Variants in GNL3L observed in about 807,000 individuals in gnomAD.
The protein encoded by GNL3L is G protein nucleolar 3 like, also known as guanine nucleotide-binding protein-like 3-like protein.
Under a neutral mutation model 42.9 loss-of-function variants are expected in GNL3L, and 4 were observed. The observed-to-expected ratio is 0.09, with a 90% CI of 0.05 to 0.21. GNL3L has a LOEUF of 0.21. Ranked by LOEUF, GNL3L falls within the 10% of genes least tolerant of loss-of-function variation. The pLI, the probability that GNL3L is intolerant of heterozygous loss-of-function variation, is 1.00. For synonymous variants in GNL3L, 159 were observed against 176.3 expected (o/e 0.90, Z 0.78); for missense variants, 412 against 481.7 (o/e 0.86, Z 1.36).
intron 7 of GNL3L, 55 bp from the exon 8 acceptor site, chrX:54,544,168 A>C: frequency 3.2e-6 from 2 of 631,185 alleles, no homozygotes; most frequent in Non-Finnish European, 5.3e-6. Flanking sequence ...TTTGGAGGGA[A>C]CCATGGAGGT....
intron 16 of GNL3L, among the ~76,000 whole-genome samples, chrX:54,595,291 T>C (rs1410231786): frequency 9.0e-6 from 1 of 111,434 alleles, no homozygotes; most frequent in Non-Finnish European, 1.9e-5. Context: ...TTTTTTCCGC[T>C]GGATATGCTA....
downstream of GNL3L, among the ~76,000 whole-genome samples, chrX:54,571,498 C>CTTTTTTTTTT (rs1161595672): frequency 1.2e-5 from 1 of 86,521 alleles, no homozygotes; most frequent in Non-Finnish European, 2.3e-5. Context: ...TGCGCCCGGC[C>CTTTTTTTTTT]TTTTTTTTTT....
chrX:54,532,093 G>T (rs1046346384), intron 1 of GNL3L, among the ~76,000 whole-genome samples: 1 of 110,745 alleles, frequency 9.0e-6, no homozygotes, highest in Non-Finnish European at 1.9e-5. Context: ...CCCTACTTGG[G>T]AAAAGAGGCA....
chrX:54,627,153 T>G, the GNL3L span, among the ~76,000 whole-genome samples: 8 of 110,460 alleles, frequency 7.2e-5, no homozygotes, highest in Non-Finnish European at 1.5e-4. Context: ...GGACTACAGA[T>G]GTGCGCCACG....
rs749230791 is a variant in GNL3L, at chrX:54,560,651, C to T, written c.*49C>T. 15 of 717,541 alleles carry T rather than the reference C, an allele frequency of 2.1e-5. No homozygotes were observed. The highest frequency in any genetic ancestry group is 6.8e-5 in the Admixed American group (3 of 44,090). The allele number at this position is 717,541 out of a possible 1,213,427, so 59.1% of individuals were successfully genotyped here. A position where few individuals can be genotyped will look rare whatever the true frequency, so the allele number is the denominator to read the frequency against. On this transcript the variant is annotated 3_prime_UTR_variant, in exon 16 of 16. Coordinates refer to ENST00000360845, the MANE Select transcript of GNL3L (RefSeq NM_001184819.2). ...GCTCCAAGCACCAGTTCCGGTGGTACGGGGGAATACCAGTGAAATAGTTTG... is the reference window on the plus strand; with the variant it reads ...GCTCCAAGCACCAGTTCCGGTGGTATGGGGGAATACCAGTGAAATAGTTTG...
the GNL3L span, among the ~76,000 whole-genome samples, chrX:54,632,667 C>T: frequency 9.0e-6 from 1 of 111,252 alleles, no homozygotes; most frequent in Non-Finnish European, 1.9e-5. Flanking sequence ...CCTTCCATAT[C>T]CTGTATTATG....
chrX:54,599,864 A>G (rs1466060869), intron 16 of GNL3L, among the ~76,000 whole-genome samples: 2 of 110,915 alleles, frequency 1.8e-5, no homozygotes, highest in Non-Finnish European at 3.8e-5. Context: ...ATTGAATTTT[A>G]AAATTTTGGT....
Position 54,552,443 on chromosome X carries a change from G to T in GNL3L, c.1318+15G>T. ...CACCATGGAATGTAAGTGTGGGCAG[G>T]GTGGGTGCACTTGGTCTTGCACTAG... is the stretch of plus-strand genomic sequence containing the variant. On this transcript the variant is annotated intron_variant, in intron 13 of 15. Transcript: ENST00000360845. 8.3e-7 allele frequency: 1 copy of T among 1,205,265 alleles called. No individual in the cohort carries two copies. The highest frequency in any genetic ancestry group is 3.0e-5 in the East Asian group (1 of 33,757).
rs1569542636 is a variant in GNL3L, at chrX:54,607,123, T to G, written c.*46-13722T>G. Reference sequence around the variant, plus strand: ...TTTCTTTCTTTCTTTCTTTCTTTCTTTCTTTCTTTCTTTCTTTGTCTCTCT... The same window carrying G: ...TTTCTTTCTTTCTTTCTTTCTTTCTGTCTTTCTTTCTTTCTTTGTCTCTCT... On this transcript the variant is annotated intron_variant, in intron 16 of 16. Transcript: ENST00000674498. Among the ~76,000 whole-genome samples, 10 of 87,195 alleles carry G rather than the reference T, an allele frequency of 1.1e-4. 1 individual carries two copies. Among genetic ancestry groups the G allele is most frequent in the African/African-American group, 4.5e-4 (9 of 19,975 alleles). The allele number at this position is 87,195 out of a possible 115,157, so 75.7% of individuals were successfully genotyped here.
rs181499155 is a variant in GNL3L at position 54,538,192 on chromosome X, A to G, written c.20-848A>G. On this transcript the variant is annotated intron_variant, in intron 2 of 15. Transcript: ENST00000360845. ...GGCAATAGAGCAAGAGTCGGTCTCA[A>G]AATAAAAAGAATTTGCAGTAGAACT... Among the ~76,000 whole-genome samples the G allele has an allele frequency of 8.2e-3, 917 of 111,379 alleles. 9 individuals are homozygous for G. The highest frequency in any genetic ancestry group is 0.028 in the African/African-American group (863 of 30,676).
intron 16 of GNL3L, among the ~76,000 whole-genome samples, chrX:54,574,603 CTCTG>C (rs1307510215): frequency 5.4e-5 from 6 of 111,964 alleles, no homozygotes; most frequent in South Asian, 3.7e-4. Flanking sequence ...CTTGTGATGT[CTCTG>C]TCTGTTTTTG....
rs1247449220 is a variant in GNL3L at position 54,565,138 on chromosome X, C to A, written c.*4536C>A. ...TATGAGTAATACATTTGAGATTCATCCATATTTCTCAGTATATTAATAGTT... is the reference window on the plus strand; with the variant it reads ...TATGAGTAATACATTTGAGATTCATACATATTTCTCAGTATATTAATAGTT... On this transcript the variant is annotated 3_prime_UTR_variant, in exon 16 of 16. Transcript: ENST00000360845. Among the ~76,000 whole-genome samples the A allele has an allele frequency of 9.0e-6, 1 of 111,684 alleles. No homozygotes were observed. Among genetic ancestry groups the A allele is most frequent in the Non-Finnish European group, 1.9e-5 (1 of 53,211 alleles).
chrX:54,564,122 T>A lies in GNL3L; in HGVS notation c.*3520T>A, dbSNP rs904917647. ...TGTTTTCTGCCCCTATAGTTTTGCTTTAGTATGACTGTCATATCAATAGAA... is the reference window on the plus strand; with the variant it reads ...TGTTTTCTGCCCCTATAGTTTTGCTATAGTATGACTGTCATATCAATAGAA... On this transcript the variant is annotated 3_prime_UTR_variant, in exon 16 of 16. Coordinates refer to ENST00000360845, the MANE Select transcript of GNL3L (RefSeq NM_001184819.2). Among the ~76,000 whole-genome samples, 1 of 111,072 alleles carries A rather than the reference T, an allele frequency of 9.0e-6. No individual in the cohort carries two copies. Among genetic ancestry groups the A allele is most frequent in the East Asian group, 2.8e-4 (1 of 3,528 alleles).
chrX:54,548,200 C>T (rs1332102292), intron 8 of GNL3L, 29 bp from the exon 9 acceptor site: 1 of 1,188,829 alleles, frequency 8.4e-7, no homozygotes, highest in South Asian at 1.8e-5. Context: ...CCTGATGTCT[C>T]TTCTGTGATA....
intron 13 of GNL3L, among the ~76,000 whole-genome samples, 198 bp from the exon 14 acceptor site, chrX:54,554,367 A>T (rs1278176780): frequency 9.0e-6 from 1 of 111,707 alleles, no homozygotes; most frequent in South Asian, 3.8e-4. Context: ...CTCTGAGTCC[A>T]GCTCCCAGCA....
At chrX:54,588,155 A>G (rs1925813031) in intron 16 of GNL3L, among the ~76,000 whole-genome samples, 1 of 111,938 alleles carries the variant, frequency 8.9e-6, no homozygotes, top group Non-Finnish European at 1.9e-5. Flanking sequence ...GTCCTCTGCA[A>G]ATTTGGACAG....
the GNL3L span, among the ~76,000 whole-genome samples, chrX:54,630,740 C>CTTTCTTTCTTTCTTTCTTTCTT: frequency 6.1e-5 from 2 of 32,686 alleles, no homozygotes; most frequent in African/African-American, 1.9e-4. Context: ...TTCTTTCTTT[C>CTTTCTTTCTTTCTTTCTTTCTT]TCTTTCTTTC....
intron 16 of GNL3L, among the ~76,000 whole-genome samples, chrX:54,598,169 G>C (rs1284622627): frequency 9.0e-6 from 1 of 111,516 alleles, no homozygotes; most frequent in Non-Finnish European, 1.9e-5. Flanking sequence ...TAGGTAATAA[G>C]TTCATCACCT....
chrX:54,551,762 C>T lies in GNL3L; in HGVS notation c.1038+20C>T, dbSNP rs41308614. 13,762 of 1,207,998 alleles carry T rather than the reference C, an allele frequency of 0.011. 73 individuals carry two copies. Among genetic ancestry groups the T allele is most frequent in the Middle Eastern group, 0.014 (62 of 4,344 alleles). On this transcript the variant is annotated intron_variant, in intron 11 of 15. Coordinates refer to ENST00000360845, the MANE Select transcript of GNL3L (RefSeq NM_001184819.2). ...GAGGAGGTCCGCAGCAGAGCCCTGG[C>T]TGATGCCCTGCCCTACTCTAAGGGC...
Sources: allele counts gnomAD v4.1 joint callset (sites outside exome capture counted in the v4.1 genomes callset), GRCh38; gene constraint gnomAD v4.1.1; transcripts MANE v1.5; gene names NCBI Gene and HGNC (gene_info 2026-07-23, HGNC 2026-07-21).